The following PLGRKT variants were observed in gnomAD, a reference collection of about 807,000 sequenced individuals.
PLGRKT encodes plasminogen receptor (KT).
Under a neutral mutation model 18.5 loss-of-function variants are expected in PLGRKT, and 22 were observed. The observed-to-expected ratio is 1.19, with a 90% CI of 0.85 to 1.70. The LOEUF (loss-of-function observed/expected upper bound fraction) is 1.70, where lower values mean the gene tolerates loss of function less well. Among genes scored for constraint, PLGRKT ranks in the 40% most tolerant of loss-of-function variants. PLGRKT has a pLI of 0.00. For missense variants in PLGRKT, 235 were observed against 174.4 expected (o/e 1.35, Z -1.96); for synonymous variants, 72 against 52.8 (o/e 1.36, Z -1.58).
At chr9:5,385,504 T>C (rs954071748) in intron 3 of PLGRKT, among the ~76,000 whole-genome samples, 3 of 151,796 alleles carry the variant, frequency 2.0e-5, no homozygotes, top group African/African-American at 7.3e-5. Context: ...AACTCTGGAA[T>C]AATTAAAAGA....
chr9:5,423,621 C>T (rs1332641586), intron 3 of PLGRKT, among the ~76,000 whole-genome samples: 2 of 152,078 alleles, frequency 1.3e-5, no homozygotes, highest in African/African-American at 4.8e-5. Context: ...CTTCTTGAAA[C>T]ACTCTATGAA....
intron 3 of PLGRKT, among the ~76,000 whole-genome samples, chr9:5,372,987 C>T (rs1436009478): frequency 1.3e-5 from 2 of 152,162 alleles, no homozygotes; most frequent in African/African-American, 4.8e-5. Flanking sequence ...CTGCCTGCTC[C>T]AAAGCCAAAG....
intron 3 of PLGRKT, among the ~76,000 whole-genome samples, chr9:5,390,885 G>C (rs563005057): frequency 5.9e-5 from 9 of 151,854 alleles, no homozygotes; most frequent in African/African-American, 1.9e-4. Flanking sequence ...TCTTCAAAAA[G>C]AAAAAAGTTC....
At chr9:5,429,344 G>A (rs967023642) in intron 3 of PLGRKT, among the ~76,000 whole-genome samples, 2 of 152,224 alleles carry the variant, frequency 1.3e-5, no homozygotes, top group Admixed American at 1.3e-4. Flanking sequence ...AGCACCACCT[G>A]CTTGGCACAG....
Position 5,419,134 on chromosome 9 carries a change from C to T in PLGRKT, c.81+12763G>A, listed in dbSNP as rs1410390449. 8.5e-5 allele frequency among the ~76,000 whole-genome samples: 13 copies of T among 152,164 alleles called. No homozygotes were observed. In the South Asian group the frequency reaches 2.5e-3, roughly 29 times the overall value. ...TTGTCAAAGGCCAGGGCGACCTCAGCGACAGGCAGCTCAGAGCCAGCAGCG... is the reference window on the plus strand; with the variant it reads ...TTGTCAAAGGCCAGGGCGACCTCAGTGACAGGCAGCTCAGAGCCAGCAGCG... On this transcript the variant is annotated intron_variant, in intron 3 of 5. Coordinates refer to ENST00000223864, the MANE Select transcript of PLGRKT (RefSeq NM_018465.4).
At chr9:5,394,939 G>T (rs1818017262) in intron 3 of PLGRKT, among the ~76,000 whole-genome samples, 1 of 151,836 alleles carries the variant, frequency 6.6e-6, no homozygotes, top group African/African-American at 2.4e-5. Context: ...GGTGAGGGAA[G>T]TGGGCAGAGG....
chr9:5,431,531 CAAAAAAAAAA>C (rs1191361436), intron 3 of PLGRKT, among the ~76,000 whole-genome samples: 1 of 77,036 alleles, frequency 1.3e-5, no homozygotes, highest in African/African-American at 4.8e-5. Flanking sequence ...GAGACTCTCT[CAAAAAAAAAA>C]AAAAAAAAAA....
chr9:5,403,834 A>T (rs1415272485), intron 3 of PLGRKT, among the ~76,000 whole-genome samples: 2 of 152,244 alleles, frequency 1.3e-5, no homozygotes, highest in Non-Finnish European at 2.9e-5. Context: ...ACAGAAGGAA[A>T]TACCATTTCT....
At chr9:5,376,981 A>G (rs990188744) in intron 3 of PLGRKT, among the ~76,000 whole-genome samples, 3 of 152,224 alleles carry the variant, frequency 2.0e-5, no homozygotes, top group Admixed American at 1.3e-4. Context: ...TCAAAAATTT[A>G]TAATTTTTAT....
At chr9:5,388,188 G>C (rs1437946916) in intron 3 of PLGRKT, among the ~76,000 whole-genome samples, 1 of 151,856 alleles carries the variant, frequency 6.6e-6, no homozygotes, top group South Asian at 2.1e-4. Context: ...CTCCAGGAAT[G>C]TGTAACAGTC....
intron 3 of PLGRKT, 83 bp from the exon 4 acceptor site, chr9:5,361,971 T>C: frequency 1.5e-6 from 2 of 1,324,096 alleles, no homozygotes; most frequent in Non-Finnish European, 2.1e-6. Context: ...TTCCAGCGGA[T>C]TCATTCTTCA....
At chr9:5,358,456 C>A in intron 5 of PLGRKT, 96 bp from the exon 6 acceptor site, 1 of 990,328 alleles carries the variant, frequency 1.0e-6, no homozygotes, top group Non-Finnish European at 1.5e-6. Flanking sequence ...GCTCTAACAC[C>A]GTATGAGCCA....
rs1554626429 is a variant in PLGRKT at position 5,367,067 on chromosome 9, A to ACCC, written c.82-5182_82-5180dup. Among the ~76,000 whole-genome samples the ACCC allele has an allele frequency of 2.0e-3, 283 of 138,948 alleles. 1 individual carries two copies. Among genetic ancestry groups the ACCC allele is most frequent in the African/African-American group, 6.9e-3 (270 of 39,118 alleles). The allele number at this position is 138,948 out of a possible 152,430, so 91.2% of individuals were successfully genotyped here. On this transcript the variant is annotated intron_variant, in intron 3 of 5. Transcript: ENST00000223864. ...CACACACACACACACACACACACAC[A>ACCC]CCCCTAGGAATGAAAGAAATCAGAG...
chr9:5,389,407 T>C (rs1373262595), intron 3 of PLGRKT, among the ~76,000 whole-genome samples: 2 of 151,918 alleles, frequency 1.3e-5, no homozygotes, highest in Admixed American at 1.3e-4. Context: ...AAATTGTTTA[T>C]GTTCTGCAGG....
chr9:5,431,531 C>CAAAAAAAA (rs1191361436), intron 3 of PLGRKT, among the ~76,000 whole-genome samples: 1 of 77,038 alleles, frequency 1.3e-5, no homozygotes, highest in Non-Finnish European at 2.5e-5. Context: ...GAGACTCTCT[C>CAAAAAAAA]AAAAAAAAAA....
At chr9:5,377,893 G>A (rs150425459) in intron 3 of PLGRKT, among the ~76,000 whole-genome samples, 37 of 152,304 alleles carry the variant, frequency 2.4e-4, no homozygotes, top group Non-Finnish European at 4.7e-4. Flanking sequence ...CACTTCGACA[G>A]CAGACAAGAA....
chr9:5,358,392 C>T (rs184305578), intron 5 of PLGRKT, 32 bp from the exon 6 acceptor site: 2 of 1,607,502 alleles, frequency 1.2e-6, no homozygotes, highest in East Asian at 2.2e-5. Context: ...CACAAGGTGA[C>T]AAAGGGGTCA....
chr9:5,411,057 T>A (rs889361105), intron 3 of PLGRKT, among the ~76,000 whole-genome samples: 4 of 152,100 alleles, frequency 2.6e-5, no homozygotes, highest in African/African-American at 9.7e-5. Flanking sequence ...GTAGTCATCA[T>A]GAGCAAATAA....
At chr9:5,372,237 T>C (rs1408441524) in intron 3 of PLGRKT, among the ~76,000 whole-genome samples, 1 of 152,032 alleles carries the variant, frequency 6.6e-6, no homozygotes, top group Non-Finnish European at 1.5e-5. Context: ...CCTCAGTCTC[T>C]CAAAGAAAAT....
Sources: allele counts gnomAD v4.1 joint callset (sites outside exome capture counted in the v4.1 genomes callset), GRCh38; gene constraint gnomAD v4.1.1; transcripts MANE v1.5; gene names NCBI Gene and HGNC (gene_info 2026-07-23, HGNC 2026-07-21).